Variants in CEMIP2 observed in about 807,000 individuals in gnomAD.
CEMIP2 encodes cell migration inducing hyaluronidase 2.
CEMIP2 carries 79 observed loss-of-function variants against 146.9 expected under a neutral mutation model. The ratio of observed to expected loss-of-function variants is 0.54; its 90% CI spans 0.45 to 0.65. CEMIP2 has a LOEUF of 0.65. Ranked by LOEUF, CEMIP2 falls within the 30% of genes least tolerant of loss-of-function variation. The probability of loss-of-function intolerance (pLI) is 0.00; values close to 1 mark genes in which losing one functional copy is unlikely to be tolerated. For synonymous variants in CEMIP2, 601 were observed against 606.3 expected (o/e 0.99, Z 0.13); for missense variants, 1,596 against 1,696.2 (o/e 0.94, Z 1.04).
intron 10 of CEMIP2, among the ~76,000 whole-genome samples, chr9:71,726,066 T>C (rs202032828): frequency 1.6e-4 from 24 of 152,336 alleles, no homozygotes; most frequent in East Asian, 1.3e-3. Context: ...TTAAGCAATA[T>C]GGTTTTTATC....
At chr9:71,702,880 G>A (rs560056534) in intron 18 of CEMIP2, among the ~76,000 whole-genome samples, 1 of 152,104 alleles carries the variant, frequency 6.6e-6, no homozygotes, top group Non-Finnish European at 1.5e-5. Context: ...TGATGGAAAG[G>A]TATGCACGGT....
At position 71,712,205 on chromosome 9, in the gene CEMIP2, T is replaced by C. The variant is rs968311392; in HGVS notation, c.2647A>G (p.Ser883Gly). 3.1e-6 allele frequency: 5 copies of C among 1,614,206 alleles called. No homozygotes were observed. Among genetic ancestry groups the C allele is most frequent in the Admixed American group, 1.7e-5 (1 of 60,026 alleles). The change falls in exon 16 of 24, where the codon AGC becomes GGC. Residue 883 changes from serine to glycine, a missense_variant. Physicochemically the swap from Ser to Gly is moderately conservative, Grantham distance 56. Coordinates refer to ENST00000377044, the MANE Select transcript of CEMIP2 (RefSeq NM_013390.3). ...GTTGGCACATATTTTTTGAAAGTGC[T>C]CCTTGTGAGATGAATGGGCCCATCA... ...IYDGPIHLTR[S>G]TFKKYVPTPD...
At chr9:71,690,357 T>C in intron 21 of CEMIP2, 111 bp from the exon 22 acceptor site, 2 of 1,316,344 alleles carry the variant, frequency 1.5e-6, no homozygotes, top group South Asian at 1.4e-5. Context: ...ATTCAAAGTA[T>C]ATTTCCAAGA....
At chr9:71,694,836 T>C (rs1822347884) in intron 20 of CEMIP2, among the ~76,000 whole-genome samples, 1 of 152,268 alleles carries the variant, frequency 6.6e-6, no homozygotes, top group South Asian at 2.1e-4. Flanking sequence ...TTATTCTTGT[T>C]GTTCACTTCA....
Position 71,745,259 on chromosome 9 carries a change from G to A in CEMIP2, c.793C>T (p.Arg265Trp). 1.2e-6 allele frequency: 2 copies of A among 1,613,922 alleles called. No homozygotes were observed. Among genetic ancestry groups the A allele is most frequent in the Non-Finnish European group, 1.7e-6 (2 of 1,179,980 alleles). The change falls in exon 4 of 24, where the codon CGG (arginine) becomes TGG (tryptophan). Residue 265 changes from arginine (R) to tryptophan (W), a missense_variant. Coordinates refer to ENST00000377044, the MANE Select transcript of CEMIP2 (RefSeq NM_013390.3). ...GSYTFEKDFS[R>W]GLNVRVIDQD... ...TCAATGACCCTCACATTGAGGCCCC[G>A]GGAAAAGTCCTTTTCAAAGGTATAG...
At chr9:71,726,093 T>G (rs62547011) in intron 10 of CEMIP2, among the ~76,000 whole-genome samples, 10,711 of 152,260 alleles carry the variant, frequency 0.07, 541 homozygotes, top group South Asian at 0.19. Context: ...CCTCCAAACC[T>G]GTTCAATAGA....
In CEMIP2 at chr9:71,725,723, G is replaced by A. The variant is rs775001235; in HGVS notation, c.2050-14C>T. 1 of 1,608,138 alleles carries A rather than the reference G, an allele frequency of 6.2e-7. No homozygotes were observed. The highest frequency in any genetic ancestry group is 8.5e-7 in the Non-Finnish European group (1 of 1,177,522). Reference sequence around the variant, plus strand: ...TATTCCAGCATCCTACAAATGAAAGGACAAGCCCATTAAAAGCCTAATTTA... The same window carrying A: ...TATTCCAGCATCCTACAAATGAAAGAACAAGCCCATTAAAAGCCTAATTTA... On this transcript the variant is annotated splice_polypyrimidine_tract_variant and intron_variant, in intron 10 of 23. Transcript: ENST00000377044.
At chr9:71,735,670 C>T (rs999209299) in intron 5 of CEMIP2, among the ~76,000 whole-genome samples, 1 of 152,078 alleles carries the variant, frequency 6.6e-6, no homozygotes, top group Non-Finnish European at 1.5e-5. Context: ...ACATCCCCAG[C>T]TCCTTGGGCA....
chr9:71,725,636 G>A lies in CEMIP2; in HGVS notation c.2123C>T (p.Pro708Leu), dbSNP rs868353463. ...AAATATACCCAATGGAGTGAGTTCT[G>A]GTTTTGCCAAGAGCTGCAATCCACT... ...ESSGLQLLAK[P>L]ELTPLGIFYN... Residue 708 changes from proline (P) to leucine (L), a missense_variant, in exon 11 of 24, where the codon CCA becomes CTA. Coordinates refer to ENST00000377044, the MANE Select transcript of CEMIP2 (RefSeq NM_013390.3). 6.2e-7 allele frequency: 1 copy of A among 1,613,966 alleles called. No individual in the cohort carries two copies. The highest frequency in any genetic ancestry group is 8.5e-7 in the Non-Finnish European group (1 of 1,179,964).
chr9:71,742,944 G>GC (rs1458585475), intron 4 of CEMIP2, among the ~76,000 whole-genome samples: 2 of 152,162 alleles, frequency 1.3e-5, no homozygotes, highest in African/African-American at 4.8e-5. Flanking sequence ...CCTCGGCCGG[G>GC]CACATGGCTT....
chr9:71,734,036 T>TG (rs1476380554), intron 6 of CEMIP2, among the ~76,000 whole-genome samples: 1 of 151,912 alleles, frequency 6.6e-6, no homozygotes, highest in African/African-American at 2.4e-5. Flanking sequence ...TTAGTAGAGA[T>TG]GGGGTTTCAC....
Position 71,685,147 on chromosome 9 carries a change from T to C in CEMIP2, c.*50A>G. 6.7e-7 allele frequency: 1 copy of C among 1,482,382 alleles called. No homozygotes were observed. 91.8% of individuals were successfully genotyped at this position (1,482,382 alleles called of 1,614,324 possible). On this transcript the variant is annotated 3_prime_UTR_variant, in exon 24 of 24. Coordinates refer to ENST00000377044, the MANE Select transcript of CEMIP2 (RefSeq NM_013390.3). ...TCATTTTAAAATGCCATAAATTAAA[T>C]AAGTTAGTTCACATTTTTTTTCCCC...
chr9:71,693,041 A>G (rs1822279912), intron 21 of CEMIP2, among the ~76,000 whole-genome samples: 2 of 152,238 alleles, frequency 1.3e-5, no homozygotes, highest in Admixed American at 1.3e-4. Flanking sequence ...ATGGTTGTAC[A>G]ACAATATGAA....
intron 16 of CEMIP2, among the ~76,000 whole-genome samples, chr9:71,710,375 A>C (rs565441464): frequency 6.6e-6 from 1 of 152,364 alleles, no homozygotes; most frequent in Non-Finnish European, 1.5e-5. Flanking sequence ...CTAAATGATA[A>C]GCAACTCAAT....
intron 14 of CEMIP2, 140 bp from the exon 15 acceptor site, chr9:71,715,229 A>G: frequency 4.6e-6 from 3 of 656,286 alleles, no homozygotes; most frequent in South Asian, 2.3e-5. Context: ...ACAAGTCTTC[A>G]GAAACTGCTT....
intron 20 of CEMIP2, among the ~76,000 whole-genome samples, chr9:71,695,163 A>T (rs190411213): frequency 1.2e-3 from 187 of 151,536 alleles, no homozygotes; most frequent in African/African-American, 4.4e-3. Context: ...TCCCACAAGC[A>T]CTCCACCCTC....
intron 21 of CEMIP2, among the ~76,000 whole-genome samples, chr9:71,690,721 T>C (rs936056478): frequency 6.6e-6 from 1 of 152,366 alleles, no homozygotes; most frequent in Admixed American, 6.5e-5. Flanking sequence ...CGTTAGTTTA[T>C]ATTTGTAGTT....
At chr9:71,747,703 T>A (rs1045106877) in intron 2 of CEMIP2, among the ~76,000 whole-genome samples, 4 of 152,086 alleles carry the variant, frequency 2.6e-5, no homozygotes, top group African/African-American at 9.7e-5. Flanking sequence ...ACAAACATAT[T>A]GTTCTATACA....
intron 1 of CEMIP2, among the ~76,000 whole-genome samples, chr9:71,751,888 T>C (rs1824265979): frequency 6.6e-6 from 1 of 152,224 alleles, no homozygotes; most frequent in South Asian, 2.1e-4. Flanking sequence ...ATATAGATTG[T>C]GAATTCATTT....
Sources: allele counts gnomAD v4.1 joint callset (sites outside exome capture counted in the v4.1 genomes callset), GRCh38; gene constraint gnomAD v4.1.1; transcripts MANE v1.5; gene names NCBI Gene and HGNC (gene_info 2026-07-23, HGNC 2026-07-21).